The following ATP12A variants were observed in gnomAD, a reference collection of about 807,000 sequenced individuals.
ATP12A encodes the protein potassium-transporting ATPase alpha chain 2.
In ATP12A, 81 loss-of-function variants were observed where a neutral mutation model predicts 111.2. That is an observed-to-expected ratio of 0.73 (90% CI 0.61 to 0.88). ATP12A has a LOEUF of 0.88. Ranked by LOEUF, ATP12A falls within the 40% of genes least tolerant of loss-of-function variation. The probability of loss-of-function intolerance (pLI) is 0.00; values close to 1 mark genes in which losing one functional copy is unlikely to be tolerated. For synonymous variants in ATP12A, 498 were observed against 499.8 expected (o/e 1.00, Z 0.05); for missense variants, 1,196 against 1,313.1 (o/e 0.91, Z 1.38).
At chr13:24,686,714 G>A (rs1874684928) in intron 3 of ATP12A, among the ~76,000 whole-genome samples, 1 of 152,106 alleles carries the variant, frequency 6.6e-6, no homozygotes, top group Non-Finnish European at 1.5e-5. Flanking sequence ...CCTCCAGCCT[G>A]GGCGACAGAG....
At chr13:24,684,473 T>A (rs1249702893) in intron 2 of ATP12A, among the ~76,000 whole-genome samples, 1 of 152,168 alleles carries the variant, frequency 6.6e-6, no homozygotes, top group Non-Finnish European at 1.5e-5. Flanking sequence ...AGTGCTGGAC[T>A]TTCTAGGGGG....
intron 3 of ATP12A, among the ~76,000 whole-genome samples, chr13:24,686,440 C>T (rs1478145089): frequency 1.1e-5 from 1 of 93,828 alleles, no homozygotes; most frequent in South Asian, 3.5e-4. Flanking sequence ...AACTCCATCT[C>T]AAAAAAAAAA....
intron 17 of ATP12A, among the ~76,000 whole-genome samples, chr13:24,708,914 A>AAAGAAAG (rs1875802584): frequency 1.7e-5 from 2 of 119,746 alleles, no homozygotes; most frequent in African/African-American, 7.1e-5. Context: ...AGAAAGAAAG[A>AAAGAAAG]AAGAAAGAAA....
intron 14 of ATP12A, 62 bp from the exon 15 acceptor site, chr13:24,706,251 G>T: frequency 6.3e-7 from 1 of 1,582,396 alleles, no homozygotes; most frequent in South Asian, 1.2e-5. Context: ...ATCCTGCCTG[G>T]AACAGTGTTT....
At chr13:24,706,489 A>G in intron 15 of ATP12A, 26 bp downstream of exon 15, 1 of 1,609,404 alleles carries the variant, frequency 6.2e-7, no homozygotes, top group Non-Finnish European at 8.5e-7. Context: ...TGTCCAGAGG[A>G]CTGACAGGCC....
At chr13:24,684,089 A>AT (rs1874580453) in intron 2 of ATP12A, among the ~76,000 whole-genome samples, 1 of 141,944 alleles carries the variant, frequency 7.0e-6, no homozygotes, top group Non-Finnish European at 1.5e-5. Flanking sequence ...CCATGCTCTC[A>AT]TCCCCCAGCC....
Position 24,692,439 on chromosome 13 carries a change from C to T in ATP12A, c.1079C>T (p.Ser360Leu), listed in dbSNP as rs202155951. ...GLLATVTVTL[S>L]LTAKRMAKKN... ...TCCCTCTCCTGCTAGGTGACCCTGT[C>T]GCTGACAGCAAAACGGATGGCCAAG... Residue 360 changes from serine to leucine, a missense_variant, in exon 9 of 23, where the codon TCG becomes TTG. Physicochemically the swap from Ser to Leu is moderately radical, Grantham distance 145. Coordinates refer to ENST00000381946, the MANE Select transcript of ATP12A (RefSeq NM_001676.7). 2.1e-4 allele frequency: 341 copies of T among 1,613,694 alleles called. 2 individuals are homozygous for T. In the South Asian group the frequency reaches 3.1e-3, roughly 15 times the overall value.
rs1874828924 is a variant in ATP12A at position 24,690,372 on chromosome 13, C to T, written c.581C>T (p.Thr194Ile). ...ALVIRDSEKK[T>I]IPSEQLVVGD... ...GTCATCCGAGATTCCGAGAAGAAGA[C>T]CATCCCTTCAGAGCAGCTGGTGGTG... is the stretch of plus-strand genomic sequence containing the variant. Residue 194 changes from threonine (T) to isoleucine (I), a missense_variant, in exon 6 of 23, where the codon ACC becomes ATC. Around this residue, in one of 3 missense-constraint regions of ATP12A, gnomAD observed 1,126 missense variants for 1,228.5 expected, o/e 0.92. Transcript: ENST00000381946. The T allele has an allele frequency of 6.2e-7, 1 of 1,613,306 alleles. No individual in the cohort carries two copies. Among genetic ancestry groups the T allele is most frequent in the Non-Finnish European group, 8.5e-7 (1 of 1,179,870 alleles).
chr13:24,707,354 T>C lies in ATP12A; in HGVS notation c.2414T>C (p.Phe805Ser). 6.2e-7 allele frequency: 1 copy of C among 1,614,190 alleles called. No homozygotes were observed. The highest frequency in any genetic ancestry group is 8.5e-7 in the Non-Finnish European group (1 of 1,180,034). Residue 805 changes from phenylalanine (F) to serine (S), a missense_variant, in exon 17 of 23, where the codon TTT (phenylalanine) becomes TCT (serine). Phe to Ser is a radical substitution (Grantham distance 155, BLOSUM62 -2). Coordinates refer to ENST00000381946, the MANE Select transcript of ATP12A (RefSeq NM_001676.7). ...LTKNIAELCP[F>S]LIYIIVGLPL... ...AAGAACATTGCCGAGCTGTGCCCCTTTCTGATCTACATCATTGTCGGGCTC... is the reference window on the plus strand; with the variant it reads ...AAGAACATTGCCGAGCTGTGCCCCTCTCTGATCTACATCATTGTCGGGCTC...
At chr13:24,682,117 TGG>T (rs1874484228) in intron 2 of ATP12A, among the ~76,000 whole-genome samples, 1 of 101,674 alleles carries the variant, frequency 9.8e-6, no homozygotes, top group African/African-American at 3.9e-5. Context: ...GATGTGTGTG[TGG>T]TGTGTGTGTG....
At chr13:24,693,612 T>C (rs764627132) in intron 10 of ATP12A, among the ~76,000 whole-genome samples, 2 of 152,220 alleles carry the variant, frequency 1.3e-5, no homozygotes, top group Non-Finnish European at 2.9e-5. Context: ...GCTGTGTGCT[T>C]CCGCTAGGAA....
chr13:24,702,162 C>A, intron 14 of ATP12A, 91 bp downstream of exon 14: 2 of 1,518,538 alleles, frequency 1.3e-6, no homozygotes, highest in Non-Finnish European at 1.8e-6. Context: ...AACAAATCAG[C>A]TTTTTGCTCT....
At chr13:24,696,478 G>A (rs932167042) in intron 11 of ATP12A, among the ~76,000 whole-genome samples, 2 of 131,794 alleles carry the variant, frequency 1.5e-5, no homozygotes, top group African/African-American at 5.5e-5. Flanking sequence ...AGGCCGAGGC[G>A]GGTGGATCAT....
intron 14 of ATP12A, chr13:24,704,330 A>G (rs906248332): frequency 6.6e-6 from 1 of 152,236 alleles, no homozygotes; most frequent in African/African-American, 2.4e-5. Flanking sequence ...AGTTGTATAT[A>G]AGATACCTTA....
chr13:24,698,916 G>C (rs1221660432), intron 12 of ATP12A, 66 bp downstream of exon 12: 1 of 1,562,044 alleles, frequency 6.4e-7, no homozygotes, highest in East Asian at 2.3e-5. Context: ...GCGCCTTGAG[G>C]ACCTGTGACC....
chr13:24,680,591 C>A lies in ATP12A; in HGVS notation c.-153C>A. ...CGGCTGGCGATCGGCCGCGGAGGTG[C>A]GTGCAGGGCCCGCGCCGCCGCCGGT... On this transcript the variant is annotated 5_prime_UTR_variant, in exon 1 of 23. Coordinates refer to ENST00000381946, the MANE Select transcript of ATP12A (RefSeq NM_001676.7). 1 of 808,342 alleles carries A rather than the reference C, an allele frequency of 1.2e-6. No homozygotes were observed. Among genetic ancestry groups the A allele is most frequent in the Non-Finnish European group, 1.8e-6 (1 of 550,692 alleles). The allele number at this position is 808,342 out of a possible 1,614,324, so 50.1% of individuals were successfully genotyped here. A position where few individuals can be genotyped will look rare whatever the true frequency, so the allele number is the denominator to read the frequency against.
intron 3 of ATP12A, among the ~76,000 whole-genome samples, chr13:24,687,394 G>A (rs1593131850): frequency 6.6e-6 from 1 of 152,124 alleles, no homozygotes; most frequent in African/African-American, 2.4e-5. Flanking sequence ...AACCCAGGAG[G>A]AGGAGGTTGC....
Position 24,685,128 on chromosome 13 carries a change from A to T in ATP12A, c.169-186A>T, listed in dbSNP as rs1388897732. On this transcript the variant is annotated intron_variant, in intron 2 of 22. Coordinates refer to ENST00000381946, the MANE Select transcript of ATP12A (RefSeq NM_001676.7). This position sits in a 1 kb window ranked among gnomAD's most constrained non-coding sequence, Gnocchi z 5.5. ...GCCGACTCAGGGACAGTCACTCCTGAGGCAGTGCCATCCTTCGCTGGGCAG... is the reference window on the plus strand; with the variant it reads ...GCCGACTCAGGGACAGTCACTCCTGTGGCAGTGCCATCCTTCGCTGGGCAG... Among the ~76,000 whole-genome samples, 6 of 152,128 alleles carry T rather than the reference A, an allele frequency of 3.9e-5. No homozygotes were observed. Among genetic ancestry groups the T allele is most frequent in the African/African-American group, 1.4e-4 (6 of 41,418 alleles).
chr13:24,693,433 C>T (rs1874996022), intron 10 of ATP12A, among the ~76,000 whole-genome samples: 1 of 152,058 alleles, frequency 6.6e-6, no homozygotes, highest in African/African-American at 2.4e-5. Context: ...CATCTGTTTC[C>T]TTCCCTGACT....
Sources: gnomAD v4.1 joint callset for allele counts (sites outside exome capture counted in the v4.1 genomes callset) on GRCh38, gnomAD v4.1.1 for gene constraint, gnomAD v4.1.1 regional missense constraint, Gnocchi (gnomAD v3.1) non-coding constraint, MANE v1.5 for transcripts, NCBI Gene and HGNC (gene_info 2026-07-23, HGNC 2026-07-21) for gene names.